Variants in DCLRE1C observed in about 807,000 individuals in gnomAD.
DCLRE1C encodes protein artemis.
Under a neutral mutation model 61.4 loss-of-function variants are expected in DCLRE1C, and 47 were observed. That is an observed-to-expected ratio of 0.77 (90% CI 0.61 to 0.98). The LOEUF is 0.98. Among genes scored for constraint, DCLRE1C ranks in the 50% least tolerant of loss-of-function variants. The pLI, the probability that DCLRE1C is intolerant of heterozygous loss-of-function variation, is 0.00. For synonymous variants in DCLRE1C, 337 were observed against 287.6 expected, an observed-to-expected ratio of 1.17 and a Z score of -1.74; for missense variants, 858 against 816.0, an observed-to-expected ratio of 1.05 and a Z score of -0.63.
At chr10:14,948,674 G>T (rs566922463) in intron 2 of DCLRE1C, among the ~76,000 whole-genome samples, 1 of 151,846 alleles carries the variant, frequency 6.6e-6, no homozygotes, top group Admixed American at 6.6e-5. Context: ...CCAGGAGTTC[G>T]AGATCAGCCT....
intron 13 of DCLRE1C, among the ~76,000 whole-genome samples, chr10:14,912,019 TC>T (rs1229876968): frequency 1.3e-5 from 2 of 152,232 alleles, no homozygotes; most frequent in African/African-American, 4.8e-5. Flanking sequence ...GTTTGGCAGT[TC>T]CTTGGAGTGT....
intron 13 of DCLRE1C, among the ~76,000 whole-genome samples, chr10:14,916,355 C>T (rs1836189458): frequency 6.6e-6 from 1 of 152,086 alleles, no homozygotes; most frequent in African/African-American, 2.4e-5. Context: ...CAAGAAAAGG[C>T]ACTAGAACTG....
rs1271366499 is a variant in DCLRE1C at position 14,897,441 on chromosome 10, G to A, written c.*1723C>T. On this transcript the variant is annotated 3_prime_UTR_variant, in exon 14 of 14. Coordinates refer to the DCLRE1C transcript ENST00000378289. The stretch of plus-strand genomic sequence containing the variant: ...TATTCGCTTTGCATCTTTCGAACTA[G>A]CAATGGACGTGGCTGGGGTGTAAAG... 1.2e-6 allele frequency: 2 copies of A among 1,612,298 alleles called. No homozygotes were observed. The highest frequency in any genetic ancestry group is 1.1e-5 in the South Asian group (1 of 90,914).
At chr10:14,939,276 A>C (rs1188513483) in intron 4 of DCLRE1C, among the ~76,000 whole-genome samples, 1 of 152,008 alleles carries the variant, frequency 6.6e-6, no homozygotes, top group Non-Finnish European at 1.5e-5. Flanking sequence ...TTCTCTACTA[A>C]AAATACAATA....
In DCLRE1C at chr10:14,936,595, T is replaced by G. The variant is rs1409647033; in HGVS notation, c.307-2A>C. ...GAGAGTCACAACAATCTCTTCCTTC[T>G]AAAAAGAAAATAAAGAAAAAATAGT... is the stretch of plus-strand genomic sequence containing the variant. On this transcript the variant is annotated splice_acceptor_variant, in intron 4 of 13. Transcript: ENST00000378278. LOFTEE classifies it high-confidence loss of function. 1.2e-6 allele frequency: 2 copies of G among 1,611,166 alleles called. No individual in the cohort carries two copies.
Position 14,909,254 on chromosome 10 carries a change from A to C in DCLRE1C, c.1233T>G (p.Phe411Leu), listed in dbSNP as rs761710395. 1 of 1,613,796 alleles carries C rather than the reference A, an allele frequency of 6.2e-7. No individual in the cohort carries two copies. The highest frequency in any genetic ancestry group is 8.5e-7 in the Non-Finnish European group (1 of 1,179,920). Residue 411 changes from phenylalanine (F) to leucine (L), a missense_variant, in exon 14 of 14, where the codon TTT (phenylalanine) becomes TTG (leucine). Around this residue, in one of 2 missense-constraint regions of DCLRE1C, gnomAD observed 843 missense variants for 783.5 expected, o/e 1.08. Transcript: ENST00000378278. ...LRHKVPYPET[F>L]HPEVFSMTAV... ...CAGTCATTGAAAATACCTCAGGGTG[A>C]AAAGTTTCCGGGTATGGAACTTTGT...
chr10:14,931,926 T>C (rs1266676132), intron 9 of DCLRE1C, among the ~76,000 whole-genome samples: 5 of 151,658 alleles, frequency 3.3e-5, no homozygotes, highest in Non-Finnish European at 7.4e-5. Flanking sequence ...CCCAGCTACA[T>C]AGGAGGCTGA....
At chr10:14,913,614 T>G (rs748137092) in intron 13 of DCLRE1C, among the ~76,000 whole-genome samples, 1 of 152,190 alleles carries the variant, frequency 6.6e-6, no homozygotes, top group Non-Finnish European at 1.5e-5. Flanking sequence ...AGGTTCCACA[T>G]CTGTAGATTT....
At chr10:14,937,068 T>C (rs1385470877) in intron 4 of DCLRE1C, among the ~76,000 whole-genome samples, 5 of 152,176 alleles carry the variant, frequency 3.3e-5, no homozygotes, top group Non-Finnish European at 5.9e-5. Context: ...TGTTGTATGA[T>C]TCCACTCATA....
chr10:14,945,302 A>C (rs1383706621), intron 2 of DCLRE1C, 113 bp from the exon 3 acceptor site: 6 of 1,405,912 alleles, frequency 4.3e-6, no homozygotes, highest in Non-Finnish European at 2.9e-6. Context: ...CAGTCTGACC[A>C]ACATGGTGAA....
At chr10:14,932,392 C>G (rs565185208) in intron 9 of DCLRE1C, among the ~76,000 whole-genome samples, 10 of 152,116 alleles carry the variant, frequency 6.6e-5, no homozygotes, top group Admixed American at 5.2e-4. Context: ...AGTACCAGCA[C>G]TTTGGGAGGC....
At chr10:14,936,725 C>T (rs992158991) in intron 4 of DCLRE1C, 132 bp from the exon 5 acceptor site, 5 of 668,846 alleles carry the variant, frequency 7.5e-6, no homozygotes, top group Non-Finnish European at 1.1e-5. Context: ...TTTCCTCACA[C>T]TCCAAATCCT....
chr10:14,929,689 G>A (rs1838650896), intron 9 of DCLRE1C, among the ~76,000 whole-genome samples: 1 of 151,762 alleles, frequency 6.6e-6, no homozygotes, highest in Non-Finnish European at 1.5e-5. Context: ...AAATTTGGAG[G>A]GAAAAAAACT....
chr10:14,926,739 AC>A, intron 11 of DCLRE1C, 103 bp downstream of exon 11: 1 of 882,056 alleles, frequency 1.1e-6, no homozygotes, highest in Middle Eastern at 2.2e-4. Flanking sequence ...AATGAAACTT[AC>A]ATAGAAACAG....
intron 2 of DCLRE1C, among the ~76,000 whole-genome samples, chr10:14,945,922 T>C (rs1235720352): frequency 1.3e-5 from 2 of 150,138 alleles, no homozygotes; most frequent in East Asian, 3.9e-4. Context: ...CCTCCCAAAG[T>C]GATGGGATTA....
exon 14 of DCLRE1C, chr10:14,897,610 C>T (rs898314234): frequency 9.5e-7 from 1 of 1,056,258 alleles, no homozygotes; most frequent in African/African-American, 1.6e-5. Flanking sequence ...ATACTTGGTA[C>T]ATTTTGATAT....
At chr10:14,953,760 C>T (rs2131235343) in intron 1 of DCLRE1C, 142 bp downstream of exon 1, 3 of 1,243,238 alleles carry the variant, frequency 2.4e-6, no homozygotes, top group East Asian at 2.5e-5. Flanking sequence ...GGCTGAAGAG[C>T]CCGACTGGGA....
intron 13 of DCLRE1C, among the ~76,000 whole-genome samples, chr10:14,919,431 A>G (rs1461185129): frequency 2.0e-5 from 3 of 152,212 alleles, no homozygotes; most frequent in Non-Finnish European, 4.4e-5. Context: ...AAAATGTTCA[A>G]GGATAACAAA....
rs1445517140 is a variant in DCLRE1C at position 14,908,454 on chromosome 10, T to C, written c.2033A>G (p.Glu678Gly). The change falls in exon 14 of 14, where the codon GAG (glutamate) becomes GGG (glycine). Residue 678 changes from glutamate (E) to glycine (G), a missense_variant. Coordinates refer to ENST00000378278, the MANE Select transcript of DCLRE1C (RefSeq NM_001033855.3). ...TTTTCTTTTTTTGACTGCTATACTC[T>C]CACCAGTTGCCAGCTTCTCATATAA... ...QYLYEKLATG[E>G]SIAVKKRKCS... 1 of 1,614,032 alleles carries C rather than the reference T, an allele frequency of 6.2e-7. No individual in the cohort carries two copies. Among genetic ancestry groups the C allele is most frequent in the Non-Finnish European group, 8.5e-7 (1 of 1,180,000 alleles).
Sources: gnomAD v4.1 joint callset for allele counts (sites outside exome capture counted in the v4.1 genomes callset) on GRCh38, gnomAD v4.1.1 for gene constraint, gnomAD v4.1.1 regional missense constraint, MANE v1.5 for transcripts, NCBI Gene and HGNC (gene_info 2026-07-23, HGNC 2026-07-21) for gene names.